The following FAM222B variants were observed in gnomAD, a reference collection of about 807,000 sequenced individuals.
The protein encoded by FAM222B is family with sequence similarity 222 member B.
In FAM222B, 12 loss-of-function variants were observed where a neutral mutation model predicts 38.0. The ratio of observed to expected loss-of-function variants is 0.32; its 90% CI spans 0.20 to 0.51. FAM222B has a LOEUF of 0.51. Ranked by LOEUF, FAM222B falls within the 20% of genes least tolerant of loss-of-function variation. The pLI is 0.97. For synonymous variants in FAM222B, 329 were observed against 317.2 expected (o/e 1.04, Z -0.40); for missense variants, 716 against 754.2 (o/e 0.95, Z 0.59).
chr17:28,849,607 C>T (rs899984987), intron 1 of FAM222B: 10 of 152,306 alleles, frequency 6.6e-5, no homozygotes, highest in South Asian at 2.1e-4. Context: ...CCCACACAAG[C>T]GCCCACCTCC....
At chr17:28,801,970 G>C (rs1404624636) in intron 1 of FAM222B, among the ~76,000 whole-genome samples, 1 of 149,180 alleles carries the variant, frequency 6.7e-6, no homozygotes, top group Non-Finnish European at 1.5e-5. Flanking sequence ...TTTTCATTCA[G>C]TTCAGCAACT....
At chr17:28,802,096 C>CT (rs11429020) in intron 1 of FAM222B, among the ~76,000 whole-genome samples, 43,191 of 150,816 alleles carry the variant, frequency 0.29, 7,460 homozygotes, top group African/African-American at 0.48. Flanking sequence ...AAACCCCCAG[C>CT]TTTTTTTTCT....
chr17:28,844,488 T>C (rs978687370), upstream of FAM222B, among the ~76,000 whole-genome samples: 12 of 151,774 alleles, frequency 7.9e-5, no homozygotes, highest in African/African-American at 2.4e-4. Flanking sequence ...TGAAACCCCG[T>C]CTCACTAAAA....
chr17:28,823,345 G>C (rs923714230), intron 1 of FAM222B, among the ~76,000 whole-genome samples: 2 of 150,584 alleles, frequency 1.3e-5, no homozygotes, highest in Admixed American at 1.3e-4. Flanking sequence ...ATTCAACAGA[G>C]CTCACCACTC....
intron 1 of FAM222B, among the ~76,000 whole-genome samples, chr17:28,850,499 C>T (rs2039173662): frequency 2.0e-5 from 3 of 151,918 alleles, no homozygotes; most frequent in African/African-American, 4.8e-5. Flanking sequence ...AGAGTTTCAC[C>T]GTGTTAGCCA....
intron 1 of FAM222B, among the ~76,000 whole-genome samples, chr17:28,825,175 G>A (rs1420705797): frequency 2.0e-5 from 3 of 151,366 alleles, no homozygotes; most frequent in African/African-American, 7.3e-5. Flanking sequence ...GCTCACGCCT[G>A]AAATCCCAGC....
chr17:28,768,787 GGCTGCGCCACTGCACTCCA>G (rs1359991911), intron 1 of FAM222B, among the ~76,000 whole-genome samples: 1 of 147,424 alleles, frequency 6.8e-6, no homozygotes, highest in African/African-American at 2.5e-5. Flanking sequence ...AGTGAGCAGA[GGCTGCGCCACTGCACTCCA>G]GCCCGGGCCA....
At chr17:28,775,710 G>A (rs2035855705) in intron 1 of FAM222B, among the ~76,000 whole-genome samples, 3 of 151,552 alleles carry the variant, frequency 2.0e-5, no homozygotes, top group Admixed American at 6.6e-5. Context: ...GTGAAGCTCC[G>A]TCTCTACTAA....
chr17:28,845,410 A>T (rs1781571879), upstream of FAM222B, among the ~76,000 whole-genome samples: 2 of 149,296 alleles, frequency 1.3e-5, no homozygotes, highest in East Asian at 2.0e-4. Flanking sequence ...AAAAAAAAAA[A>T]ATACAAAAAT....
upstream of FAM222B, among the ~76,000 whole-genome samples, chr17:28,843,170 C>T (rs1373441363): frequency 6.7e-6 from 1 of 148,984 alleles, no homozygotes; most frequent in Non-Finnish European, 1.5e-5. Flanking sequence ...CGAAGTTTCG[C>T]TCTTGTTGTC....
At chr17:28,829,248 CTT>C (rs1389061047) in intron 1 of FAM222B, among the ~76,000 whole-genome samples, 2 of 145,516 alleles carry the variant, frequency 1.4e-5, no homozygotes, top group Non-Finnish European at 3.0e-5. Context: ...TGGTTTCACT[CTT>C]GTTGCCTCAG....
At chr17:28,767,918 C>G (rs988594730) in intron 1 of FAM222B, among the ~76,000 whole-genome samples, 1 of 152,166 alleles carries the variant, frequency 6.6e-6, no homozygotes, top group Non-Finnish European at 1.5e-5. Context: ...CCCACCCCCT[C>G]AAAAGAAATG....
chr17:28,839,107 T>C (rs1042592077), intron 1 of FAM222B, among the ~76,000 whole-genome samples: 1 of 151,420 alleles, frequency 6.6e-6, no homozygotes, highest in South Asian at 2.1e-4. Context: ...CTAGGGAGGC[T>C]GAGGCAGGAG....
intron 1 of FAM222B, among the ~76,000 whole-genome samples, chr17:28,841,096 A>T (rs992650049): frequency 2.6e-5 from 4 of 152,136 alleles, no homozygotes; most frequent in African/African-American, 4.8e-5. Context: ...GGAGTTCAAG[A>T]CCAGCCTGGC....
intron 1 of FAM222B, among the ~76,000 whole-genome samples, chr17:28,799,624 T>G (rs2037124228): frequency 6.6e-6 from 1 of 152,036 alleles, no homozygotes; most frequent in South Asian, 2.1e-4. Flanking sequence ...TTTCTTTTTT[T>G]AAGAGACAGG....
At chr17:28,834,912 T>C (rs1003141375) in intron 1 of FAM222B, 1 of 150,550 alleles carries the variant, frequency 6.6e-6, no homozygotes, top group African/African-American at 2.4e-5. Context: ...TGGAGTGCAA[T>C]GGCGTGACCT....
chr17:28,773,635 C>T (rs765623170), intron 1 of FAM222B, among the ~76,000 whole-genome samples: 11 of 148,284 alleles, frequency 7.4e-5, no homozygotes, highest in South Asian at 2.2e-4. Context: ...CCCATCTCTA[C>T]GAAAAATACA....
At chr17:28,795,772 A>G (rs934603463) in intron 1 of FAM222B, among the ~76,000 whole-genome samples, 6 of 152,224 alleles carry the variant, frequency 3.9e-5, no homozygotes, top group African/African-American at 1.4e-4. Flanking sequence ...TTTTGCACTT[A>G]GAAGAGAATT....
At chr17:28,766,087 T>C (rs1049266290) in intron 2 of FAM222B, among the ~76,000 whole-genome samples, 1 of 152,228 alleles carries the variant, frequency 6.6e-6, no homozygotes, top group African/African-American at 2.4e-5. Context: ...AAGCTCTTTA[T>C]AGTTTTGTTG....
Sources: allele counts gnomAD v4.1 joint callset (sites outside exome capture counted in the v4.1 genomes callset), GRCh38; gene constraint gnomAD v4.1.1; transcripts MANE v1.5; gene names NCBI Gene and HGNC (gene_info 2026-07-23, HGNC 2026-07-21).